FBN2: variants seen among roughly 807,000 people sequenced by gnomAD.
FBN2 encodes the protein fibrillin 2.
In FBN2, 105 loss-of-function variants were observed where a neutral mutation model predicts 355.6. The ratio of observed to expected loss-of-function variants is 0.30; its 90% CI spans 0.25 to 0.35. FBN2 has a LOEUF of 0.35. FBN2 is among the 10% of genes least tolerant of loss of function. The pLI is 1.00. For missense variants in FBN2, 3,280 were observed against 3,758.7 expected (o/e 0.87, Z 3.33); for synonymous variants, 1,350 against 1,301.2 (o/e 1.04, Z -0.81).
intron 8 of FBN2, among the ~76,000 whole-genome samples, chr5:128,401,454 A>C (rs575050265): frequency 6.6e-6 from 1 of 152,298 alleles, no homozygotes; most frequent in African/African-American, 2.4e-5. Context: ...TCTGAAGTAC[A>C]TTTTTTATGT....
intron 41 of FBN2, 151 bp downstream of exon 41, chr5:128,309,096 A>G: frequency 1.4e-6 from 1 of 732,126 alleles, no homozygotes; most frequent in Non-Finnish European, 2.4e-6. Context: ...CCCAAAGAGG[A>G]TCACTTGGGA....
chr5:128,438,363 T>G (rs1281056518), intron 7 of FBN2, among the ~76,000 whole-genome samples: 1 of 152,264 alleles, frequency 6.6e-6, no homozygotes, highest in Non-Finnish European at 1.5e-5. Context: ...AATAACCATC[T>G]TTGATCTGTC....
chr5:128,444,293 C>T (rs1274281132), intron 7 of FBN2, among the ~76,000 whole-genome samples: 1 of 151,420 alleles, frequency 6.6e-6, no homozygotes, highest in Non-Finnish European at 1.5e-5. Flanking sequence ...AGGATGGTCT[C>T]GATCTCCTGA....
At chr5:128,289,766 A>G (rs1280137858) in intron 51 of FBN2, 116 bp downstream of exon 51, 5 of 682,116 alleles carry the variant, frequency 7.3e-6, no homozygotes, top group East Asian at 2.7e-5. Flanking sequence ...ATATACATCC[A>G]TTAAATACAA....
intron 5 of FBN2, among the ~76,000 whole-genome samples, chr5:128,487,902 AAGG>A (rs1446814500): frequency 6.6e-6 from 1 of 152,170 alleles, no homozygotes; most frequent in Admixed American, 6.6e-5. Flanking sequence ...GAGATCATTA[AAGG>A]AGATTTCTTG....
At chr5:128,453,966 G>A (rs1754320760) in intron 6 of FBN2, among the ~76,000 whole-genome samples, 1 of 151,912 alleles carries the variant, frequency 6.6e-6, no homozygotes, top group South Asian at 2.1e-4. Context: ...GGAAGACTGG[G>A]AGTAGAATAC....
intron 7 of FBN2, among the ~76,000 whole-genome samples, chr5:128,433,775 AGCT>A (rs1217992564): frequency 6.6e-6 from 1 of 152,186 alleles, no homozygotes; most frequent in Non-Finnish European, 1.5e-5. Flanking sequence ...GTCCTATGTT[AGCT>A]GCTGCTAGAC....
intron 16 of FBN2, among the ~76,000 whole-genome samples, chr5:128,367,009 A>G (rs1009734835): frequency 1.4e-4 from 22 of 152,312 alleles, no homozygotes; most frequent in African/African-American, 5.1e-4. Context: ...TCAATGTCCC[A>G]TTTAATAGGC....
At chr5:128,330,158 G>T (rs1394031984) in intron 33 of FBN2, among the ~76,000 whole-genome samples, 1 of 152,128 alleles carries the variant, frequency 6.6e-6, no homozygotes, top group East Asian at 1.9e-4. Flanking sequence ...AAGAAGAAAA[G>T]AAAATTGTAT....
chr5:128,335,646 C>A, intron 28 of FBN2, 69 bp from the exon 29 acceptor site: 2 of 1,572,310 alleles, frequency 1.3e-6, no homozygotes, highest in Middle Eastern at 1.7e-4. Flanking sequence ...TCTTTTTAAA[C>A]AGATAATGCT....
intron 20 of FBN2, among the ~76,000 whole-genome samples, chr5:128,355,835 A>G (rs1179604479): frequency 6.6e-6 from 1 of 152,206 alleles, no homozygotes; most frequent in East Asian, 1.9e-4. Flanking sequence ...GCTGAGAAAA[A>G]TATGGTGGTG....
chr5:128,360,582 A>G (rs1160843407), intron 19 of FBN2, among the ~76,000 whole-genome samples: 1 of 151,926 alleles, frequency 6.6e-6, no homozygotes, highest in Non-Finnish European at 1.5e-5. Context: ...CTTTAGGCTA[A>G]TTACTGTTTT....
intron 7 of FBN2, among the ~76,000 whole-genome samples, chr5:128,422,590 A>G (rs1753377988): frequency 6.6e-6 from 1 of 152,226 alleles, no homozygotes; most frequent in Admixed American, 6.5e-5. Flanking sequence ...AAAGGAGTAC[A>G]GAAAGGTGAT....
chr5:128,373,239 C>T (rs1751993258), intron 15 of FBN2, among the ~76,000 whole-genome samples: 1 of 152,112 alleles, frequency 6.6e-6, no homozygotes, highest in Admixed American at 6.5e-5. Flanking sequence ...GCTTTGTGCT[C>T]ATGGTAGATT....
intron 7 of FBN2, among the ~76,000 whole-genome samples, chr5:128,428,157 C>T (rs753900335): frequency 6.6e-6 from 1 of 152,162 alleles, no homozygotes; most frequent in Non-Finnish European, 1.5e-5. Context: ...CATCAAGTCT[C>T]ACTTAGATTA....
chr5:128,291,449 A>C lies in FBN2; in HGVS notation c.6292+80T>G, dbSNP rs532013292. On this transcript the variant is annotated intron_variant, in intron 49 of 64. Coordinates refer to ENST00000262464, the MANE Select transcript of FBN2 (RefSeq NM_001999.4). ...CATAGACATGTATTTTGTTAGGACTAATACCAGCATGATGGTTTACAATTC... is the reference window on the plus strand; with the variant it reads ...CATAGACATGTATTTTGTTAGGACTCATACCAGCATGATGGTTTACAATTC... The C allele has an allele frequency of 4.7e-6, 7 of 1,497,734 alleles. No homozygotes were observed. In the Admixed American group the frequency reaches 1.2e-4, roughly 25 times the overall value. 92.8% of individuals were successfully genotyped at this position (1,497,734 alleles called of 1,614,324 possible). A position where few individuals can be genotyped will look rare whatever the true frequency, so the allele number is the denominator to read the frequency against.
chr5:128,334,747 T>C lies in FBN2; in HGVS notation c.4071A>G (p.Ser1357=), dbSNP rs1433566114. ...TACATCCTGTGGTCCCCTTCTTCAC[T>C]GAGTAACCCAGCTGACAGTGGCAAA... ...SFICHCQLGY[S]VKKGTTGCTD... The change falls in exon 31 of 65, where the codon TCA becomes TCG. Residue 1357 remains serine (S), a synonymous_variant. Coordinates refer to ENST00000262464, the MANE Select transcript of FBN2 (RefSeq NM_001999.4). The C allele has an allele frequency of 6.2e-7, 1 of 1,614,058 alleles. No homozygotes were observed. The highest frequency in any genetic ancestry group is 1.3e-5 in the African/African-American group (1 of 74,948).
chr5:128,460,397 G>A (rs1754527143), intron 6 of FBN2, among the ~76,000 whole-genome samples: 1 of 152,046 alleles, frequency 6.6e-6, no homozygotes. Context: ...TCATGCATAG[G>A]AAGAATCAAT....
intron 13 of FBN2, 120 bp downstream of exon 13, chr5:128,377,632 T>TAA (rs1752113167): frequency 9.5e-7 from 1 of 1,056,192 alleles, no homozygotes; most frequent in Non-Finnish European, 1.5e-6. Flanking sequence ...GCATTTTACC[T>TAA]AAGTTACCTG....
Sources: allele counts gnomAD v4.1 joint callset (sites outside exome capture counted in the v4.1 genomes callset), GRCh38; gene constraint gnomAD v4.1.1; transcripts MANE v1.5; gene names NCBI Gene and HGNC (gene_info 2026-07-23, HGNC 2026-07-21).